The following NLGN1 variants were observed in gnomAD, a reference collection of about 807,000 sequenced individuals.
NLGN1 encodes neuroligin 1, also known as neuroligin-1.
Under a neutral mutation model 65.5 loss-of-function variants are expected in NLGN1, and 12 were observed. That is an observed-to-expected ratio of 0.18 (90% CI 0.12 to 0.30). The LOEUF is 0.30. Ranked by LOEUF, NLGN1 falls within the 10% of genes least tolerant of loss-of-function variation. The probability of loss-of-function intolerance (pLI) is 1.00; values close to 1 mark genes in which losing one functional copy is unlikely to be tolerated. For synonymous variants in NLGN1, 350 were observed against 359.5 expected (o/e 0.97, Z 0.30); for missense variants, 750 against 1,007.1 (o/e 0.74, Z 3.46).
At chr3:174,108,461 A>G (rs1714459648) in intron 4 of NLGN1, among the ~76,000 whole-genome samples, 1 of 152,056 alleles carries the variant, frequency 6.6e-6, no homozygotes, top group Non-Finnish European at 1.5e-5. Flanking sequence ...GCATAAAGAA[A>G]ACACAGCACA....
At chr3:174,259,068 C>T (rs980473225) in intron 4 of NLGN1, among the ~76,000 whole-genome samples, 3 of 151,908 alleles carry the variant, frequency 2.0e-5, no homozygotes, top group African/African-American at 7.3e-5. Context: ...TAATAAATAC[C>T]AGGTTTTCCT....
intron 4 of NLGN1, among the ~76,000 whole-genome samples, chr3:174,240,427 A>C (rs1742572860): frequency 6.6e-6 from 1 of 152,206 alleles, no homozygotes. Flanking sequence ...CCAAATTGAA[A>C]GAGTCCTCCT....
intron 2 of NLGN1, among the ~76,000 whole-genome samples, chr3:173,547,361 A>G (rs114113762): frequency 0.011 from 1,733 of 152,268 alleles, 36 homozygotes; most frequent in African/African-American, 0.04. Flanking sequence ...TTTCCTTTAA[A>G]AAGGAAATAG....
chr3:173,446,039 T>G (rs1473547536), intron 2 of NLGN1, among the ~76,000 whole-genome samples: 1 of 151,908 alleles, frequency 6.6e-6, no homozygotes, highest in Admixed American at 6.6e-5. Flanking sequence ...TAATTTTCCT[T>G]CTTTTTTCTT....
intron 3 of NLGN1, among the ~76,000 whole-genome samples, chr3:173,722,561 A>G (rs1240418707): frequency 2.6e-5 from 4 of 151,890 alleles, no homozygotes; most frequent in South Asian, 4.2e-4. Context: ...CTTTATCTTC[A>G]TAAGTGACTT....
intron 4 of NLGN1, among the ~76,000 whole-genome samples, chr3:173,839,696 C>T (rs1172165921): frequency 3.9e-5 from 6 of 152,292 alleles, no homozygotes; most frequent in African/African-American, 1.4e-4. Flanking sequence ...GCTGGGATTA[C>T]AGGCGTGAGC....
At chr3:174,100,879 A>C (rs1712287503) in intron 4 of NLGN1, among the ~76,000 whole-genome samples, 1 of 150,922 alleles carries the variant, frequency 6.6e-6, no homozygotes, top group African/African-American at 2.4e-5. Flanking sequence ...TTTATTTAGC[A>C]CTCCCTTTCA....
At chr3:173,592,699 A>G (rs1204704996) in intron 2 of NLGN1, among the ~76,000 whole-genome samples, 2 of 152,204 alleles carry the variant, frequency 1.3e-5, no homozygotes, top group African/African-American at 4.8e-5. Flanking sequence ...CATTCAAGAA[A>G]TATTTTCTGA....
intron 3 of NLGN1, among the ~76,000 whole-genome samples, chr3:173,637,468 T>C (rs1756771445): frequency 6.6e-6 from 1 of 152,120 alleles, no homozygotes; most frequent in African/African-American, 2.4e-5. Flanking sequence ...ATATAAGCTT[T>C]TTATATTCTC....
At chr3:173,960,989 A>G (rs1250382680) in intron 4 of NLGN1, among the ~76,000 whole-genome samples, 1 of 152,024 alleles carries the variant, frequency 6.6e-6, no homozygotes, top group Non-Finnish European at 1.5e-5. Flanking sequence ...TTTGAGTAAC[A>G]TATCTTTATC....
intron 2 of NLGN1, among the ~76,000 whole-genome samples, chr3:173,577,963 G>A (rs1443890646): frequency 1.3e-5 from 2 of 152,120 alleles, no homozygotes; most frequent in Non-Finnish European, 2.9e-5. Flanking sequence ...TAGGCCGGAT[G>A]CGGTCGCTCA....
intron 2 of NLGN1, among the ~76,000 whole-genome samples, chr3:173,550,400 C>T (rs1278252709): frequency 6.6e-6 from 1 of 151,978 alleles, no homozygotes; most frequent in African/African-American, 2.4e-5. Context: ...ATTATATCCT[C>T]CACCAATCTT....
In NLGN1 at chr3:174,279,309, T is replaced by C. The variant is rs61750377; in HGVS notation, c.1308T>C (p.Ile436=). The C allele has an allele frequency of 2.2e-3, 3,584 of 1,613,372 alleles. 9 individuals are homozygous for C. Among genetic ancestry groups the C allele is most frequent in the Non-Finnish European group, 2.8e-3 (3,285 of 1,179,534 alleles). Residue 436 remains isoleucine (I), a synonymous_variant, in exon 6 of 7, where the codon ATT becomes ATC. Transcript: ENST00000457714. The surrounding 1 kb of genome is among the most constrained non-coding windows in gnomAD (Gnocchi z 4.7). ...GCAAAGATGTTTTGAGAGAAACCATTAAGTTCATGTATACTGACTGGGCTG... is the reference window on the plus strand; with the variant it reads ...GCAAAGATGTTTTGAGAGAAACCATCAAGTTCATGTATACTGACTGGGCTG...
At position 174,247,826 on chromosome 3, in the gene NLGN1, C is replaced by G. The variant is rs1027767618; in HGVS notation, c.647-27489C>G. 4.6e-5 allele frequency among the ~76,000 whole-genome samples: 7 copies of G among 152,222 alleles called. No homozygotes were observed. The East Asian group carries it at 1.2e-3, about 25-fold the overall frequency. ...CTCCACAGTGATGGCTACTGCTCTG[C>G]TTTGCTCCAATGTCTGACCTTATCT... On this transcript the variant is annotated intron_variant, in intron 4 of 6. Transcript: ENST00000457714.
At chr3:174,216,837 A>G (rs574483221) in intron 4 of NLGN1, among the ~76,000 whole-genome samples, 24 of 152,230 alleles carry the variant, frequency 1.6e-4, no homozygotes, top group African/African-American at 4.8e-4. Context: ...TTGACCTGTC[A>G]GTTACCTGAG....
In NLGN1 at chr3:173,622,647, T is replaced by TA. The variant is rs1430386233; in HGVS notation, c.493+17558dup. ...AAAAATGAACAGAAGTTTCCACTTG[T>TA]AAGATGATTATGCTGATGCCAGGAC... is the stretch of plus-strand genomic sequence containing the variant. On this transcript the variant is annotated intron_variant, in intron 3 of 6. Coordinates refer to ENST00000457714, the Ensembl canonical transcript of NLGN1. Among the ~76,000 whole-genome samples the TA allele has an allele frequency of 1.1e-4, 16 of 151,952 alleles. No individual in the cohort carries two copies. In the South Asian group the frequency reaches 3.3e-3, roughly 32 times the overall value.
intron 4 of NLGN1, chr3:174,180,662 G>A (rs967012303): frequency 2.6e-5 from 4 of 152,028 alleles, no homozygotes. Context: ...ACTTATTTCA[G>A]TAATTAGGAA....
intron 4 of NLGN1, among the ~76,000 whole-genome samples, chr3:173,815,863 A>G (rs2150502545): frequency 6.6e-6 from 1 of 152,204 alleles, no homozygotes; most frequent in Non-Finnish European, 1.5e-5. Flanking sequence ...CTTAAACTTA[A>G]CATGGCTGAA....
chr3:173,691,989 T>G (rs2149828520), intron 3 of NLGN1, among the ~76,000 whole-genome samples: 1 of 152,208 alleles, frequency 6.6e-6, no homozygotes, highest in Admixed American at 6.6e-5. Flanking sequence ...AAAATTAATT[T>G]TATTGCACTA....
Sources: gnomAD v4.1 joint callset for allele counts (sites outside exome capture counted in the v4.1 genomes callset) on GRCh38, gnomAD v4.1.1 for gene constraint, Gnocchi (gnomAD v3.1) non-coding constraint, MANE v1.5 for transcripts, NCBI Gene and HGNC (gene_info 2026-07-23, HGNC 2026-07-21) for gene names.